The following TMEM164 variants were observed in gnomAD, a reference collection of about 807,000 sequenced individuals.
The protein encoded by TMEM164 is RP13-360B22.2.
A neutral mutation model predicts 18.8 loss-of-function variants in TMEM164; 4 were observed. That is an observed-to-expected ratio of 0.21 (90% CI 0.10 to 0.49). The LOEUF (loss-of-function observed/expected upper bound fraction) is 0.49. TMEM164 is among the 20% of genes least tolerant of loss of function. The pLI is 0.98. For missense variants in TMEM164, 108 were observed against 239.9 expected (o/e 0.45, Z 3.63); for synonymous variants, 86 against 101.7 (o/e 0.85, Z 0.93).
chrX:110,072,280 G>A (rs1274563379), intron 3 of TMEM164, among the ~76,000 whole-genome samples: 3 of 84,634 alleles, frequency 3.5e-5, no homozygotes, highest in Middle Eastern at 8.1e-3. Context: ...CAGCCTGGGC[G>A]ACAGAGACTC....
intron 3 of TMEM164, 27 bp downstream of exon 3, chrX:110,067,423 T>C: frequency 8.4e-7 from 1 of 1,190,011 alleles, no homozygotes; most frequent in Non-Finnish European, 1.1e-6. Context: ...TTTTGCTCTG[T>C]TGCTCTTCAG....
At chrX:110,096,143 C>G (rs1344963815) in intron 3 of TMEM164, among the ~76,000 whole-genome samples, 1 of 112,485 alleles carries the variant, frequency 8.9e-6, no homozygotes, top group Admixed American at 9.4e-5. Flanking sequence ...CAGGGACCCA[C>G]TTGAGGAGGC....
chrX:110,033,390 C>G (rs760119743), intron 2 of TMEM164, among the ~76,000 whole-genome samples: 1 of 112,166 alleles, frequency 8.9e-6, no homozygotes, highest in East Asian at 2.8e-4. Context: ...GGTGATTAAT[C>G]TTCTTTGTGA....
downstream of TMEM164, among the ~76,000 whole-genome samples, chrX:110,178,320 C>G (rs183837612): frequency 2.6e-3 from 295 of 112,165 alleles, no homozygotes; most frequent in Middle Eastern, 4.6e-3. Context: ...TTCACCTGGG[C>G]TGCTGTTTCT....
chrX:110,126,160 G>A (rs1157803407), intron 4 of TMEM164, among the ~76,000 whole-genome samples: 3 of 102,604 alleles, frequency 2.9e-5, no homozygotes, highest in Admixed American at 2.1e-4. Context: ...TCTTCCAGAA[G>A]CTGCCTGGTT....
At chrX:110,008,504 C>T (rs1932866129) in intron 2 of TMEM164, among the ~76,000 whole-genome samples, 1 of 111,440 alleles carries the variant, frequency 9.0e-6, no homozygotes, top group Non-Finnish European at 1.9e-5. Flanking sequence ...CAGGGGGATA[C>T]AAGGGGATGA....
chrX:110,086,590 ATGTATATATGTGTATATATGTATATATG>A (rs1235356092), intron 3 of TMEM164, among the ~76,000 whole-genome samples: 1 of 85 alleles, frequency 0.012, no homozygotes, highest in Non-Finnish European at 0.031. Context: ...TTATATATAT[ATGTATATATGTGTATATATGTATATATG>A]TGTATATATG....
rs193028380 is a variant in TMEM164, at chrX:110,061,781, G to A, written c.391-5566G>A. Among the ~76,000 whole-genome samples the A allele has an allele frequency of 9.9e-3, 1,107 of 111,370 alleles. 9 individuals carry two copies. The highest frequency in any genetic ancestry group is 0.032 in the African/African-American group (986 of 30,653). ...AAATAGGCAAATCAAGGGAGATAAT[G>A]AAATCACCAGAATGGGCGTTTAACC... On this transcript the variant is annotated intron_variant, in intron 2 of 6. Transcript: ENST00000372068.
chrX:110,095,759 C>T lies in TMEM164; in HGVS notation c.441-13321C>T, dbSNP rs772366690. Reference sequence around the variant, plus strand: ...CTATGTTCCTTTGGAGGAGAAGAGGCGCTCTGATGTTTGGAATTTTCAGCT... The same window carrying T: ...CTATGTTCCTTTGGAGGAGAAGAGGTGCTCTGATGTTTGGAATTTTCAGCT... On this transcript the variant is annotated intron_variant, in intron 3 of 6. Coordinates refer to ENST00000372068, the MANE Select transcript of TMEM164 (RefSeq NM_032227.4). Among the ~76,000 whole-genome samples, 187 of 112,336 alleles carry T rather than the reference C, an allele frequency of 1.7e-3. 1 individual carries two copies. Among genetic ancestry groups the T allele is most frequent in the Non-Finnish European group, 2.9e-3 (153 of 53,252 alleles).
At chrX:110,124,369 G>T (rs766782239) in intron 4 of TMEM164, among the ~76,000 whole-genome samples, 3 of 111,597 alleles carry the variant, frequency 2.7e-5, no homozygotes, top group Non-Finnish European at 5.7e-5. Context: ...AGAATCGGGG[G>T]GTAGGCAGAG....
chrX:110,041,522 C>T (rs183009251), intron 2 of TMEM164, among the ~76,000 whole-genome samples: 22 of 111,344 alleles, frequency 2.0e-4, no homozygotes, highest in Non-Finnish European at 4.1e-4. Flanking sequence ...TGTTGGGACT[C>T]CTGAGCCTAA....
At chrX:110,028,956 T>C (rs966190708) in intron 2 of TMEM164, among the ~76,000 whole-genome samples, 5 of 111,329 alleles carry the variant, frequency 4.5e-5, no homozygotes, top group Admixed American at 1.9e-4. Context: ...AGGTATAGTA[T>C]GTTAATTTTT....
chrX:110,050,470 A>G (rs897286895), intron 2 of TMEM164, among the ~76,000 whole-genome samples: 8 of 110,666 alleles, frequency 7.2e-5, no homozygotes, highest in African/African-American at 2.6e-4. Context: ...AGCTCATCTC[A>G]GGCTGAATTT....
At chrX:110,152,798 G>GT (rs1206006390) in intron 5 of TMEM164, among the ~76,000 whole-genome samples, 2 of 111,403 alleles carry the variant, frequency 1.8e-5, no homozygotes, top group African/African-American at 6.5e-5. Context: ...AATTGGCTCT[G>GT]TGTGATCTCT....
downstream of TMEM164, chrX:110,182,760 G>T (rs1365868935): frequency 8.9e-6 from 1 of 112,015 alleles, no homozygotes; most frequent in Non-Finnish European, 1.9e-5. Flanking sequence ...GCAGCACTTT[G>T]TCCTAGGGCA....
chrX:110,004,017 G>A lies in TMEM164; in HGVS notation c.243G>A (p.Gln81=). 1 of 1,211,582 alleles carries A rather than the reference G, an allele frequency of 8.3e-7. No homozygotes were observed. The highest frequency in any genetic ancestry group is 2.2e-5 in the Admixed American group (1 of 46,047). ...GCAGCCAGCCAGAGCAGGTGACCCA[G>A]CGGCCAGAGGAAGGCAAGGAGAGCC... is the stretch of plus-strand genomic sequence containing the variant. ...SPGSQPEQVT[Q]RPEEGKESLS... Residue 81 remains glutamine, a synonymous_variant, in exon 2 of 7, where the codon CAG becomes CAA. Transcript: ENST00000372068.
chrX:110,037,051 T>G (rs1322966110), intron 2 of TMEM164, among the ~76,000 whole-genome samples: 1 of 111,250 alleles, frequency 9.0e-6, no homozygotes, highest in Non-Finnish European at 1.9e-5. Context: ...TGACCCACAG[T>G]AACATTGACA....
intron 4 of TMEM164, among the ~76,000 whole-genome samples, chrX:110,122,060 C>T (rs1446469745): frequency 1.8e-5 from 2 of 111,387 alleles, no homozygotes; most frequent in African/African-American, 3.3e-5. Flanking sequence ...TTTGACCCAG[C>T]CATCCCGTTA....
In TMEM164 at chrX:110,008,834, A is replaced by G. The variant is rs1464379741; in HGVS notation, c.390+4670A>G. 1.2e-4 allele frequency among the ~76,000 whole-genome samples: 14 copies of G among 112,043 alleles called. No homozygotes were observed. In the Admixed American group the frequency reaches 1.3e-3, roughly 11 times the overall value. On this transcript the variant is annotated intron_variant, in intron 2 of 6. Transcript: ENST00000372068. Reference sequence around the variant, plus strand: ...TCTCTGAATAATTATGTGGTCACTTAAACAGAGAAGCTGGGCAAAGCTGGT... The same window carrying G: ...TCTCTGAATAATTATGTGGTCACTTGAACAGAGAAGCTGGGCAAAGCTGGT...
Sources: gnomAD v4.1 joint callset for allele counts (sites outside exome capture counted in the v4.1 genomes callset) on GRCh38, gnomAD v4.1.1 for gene constraint, MANE v1.5 for transcripts, NCBI Gene and HGNC (gene_info 2026-07-23, HGNC 2026-07-21) for gene names.